The following DOCK1 variants were observed in gnomAD, a reference collection of about 807,000 sequenced individuals.
DOCK1 encodes the protein dedicator of cytokinesis protein 1.
DOCK1 carries 138 observed loss-of-function variants against 262.7 expected under a neutral mutation model. The observed-to-expected ratio is 0.53, with a 90% CI of 0.46 to 0.61. DOCK1 has a LOEUF of 0.61. Ranked by LOEUF, DOCK1 falls within the 20% of genes least tolerant of loss-of-function variation. The probability of loss-of-function intolerance (pLI) is 0.00; values close to 1 mark genes in which losing one functional copy is unlikely to be tolerated. For missense variants in DOCK1, 1,908 were observed against 2,370.7 expected (o/e 0.80, Z 4.05); for synonymous variants, 866 against 867.4 (o/e 1.00, Z 0.03).
intron 27 of DOCK1, among the ~76,000 whole-genome samples, chr10:127,149,431 G>A (rs982763742): frequency 1.3e-5 from 2 of 152,104 alleles, no homozygotes; most frequent in Admixed American, 1.3e-4. Context: ...ATATTTCCAT[G>A]ACAGAATTAT....
chr10:127,047,700 G>T (rs760268672), intron 21 of DOCK1, among the ~76,000 whole-genome samples: 1 of 152,136 alleles, frequency 6.6e-6, no homozygotes, highest in African/African-American at 2.4e-5. Flanking sequence ...CAGCCACTCT[G>T]TGGTTTCTGT....
chr10:127,157,180 A>G (rs1325320831), intron 27 of DOCK1, among the ~76,000 whole-genome samples: 2 of 152,204 alleles, frequency 1.3e-5, no homozygotes, highest in African/African-American at 4.8e-5. Context: ...AACTCTAAGG[A>G]GGTGACATTT....
At chr10:127,110,983 A>T (rs1389215362) in intron 25 of DOCK1, among the ~76,000 whole-genome samples, 1 of 152,198 alleles carries the variant, frequency 6.6e-6, no homozygotes, top group African/African-American at 2.4e-5. Context: ...CATTTATTGG[A>T]GGCAAATGTG....
Position 126,981,976 on chromosome 10 carries a change from G to A in DOCK1, c.227+3G>A. On this transcript the variant is annotated splice_donor_region_variant and intron_variant, in intron 4 of 51. Transcript: ENST00000623213. Reference sequence around the variant, plus strand: ...GAAGCGATAGTTGAAGGAAAAGGGTGAGTCTGGTCTTGATGTTTAAATGAA... The same window carrying A: ...GAAGCGATAGTTGAAGGAAAAGGGTAAGTCTGGTCTTGATGTTTAAATGAA... The A allele has an allele frequency of 6.2e-7, 1 of 1,613,724 alleles. No homozygotes were observed. Among genetic ancestry groups the A allele is most frequent in the Non-Finnish European group, 8.5e-7 (1 of 1,179,812 alleles).
At chr10:127,137,534 A>G (rs1253614394) in intron 27 of DOCK1, 5 of 287,788 alleles carry the variant, frequency 1.7e-5, no homozygotes, top group Non-Finnish European at 6.4e-6. Flanking sequence ...TTGATAATGT[A>G]TTACTTGCAG....
chr10:126,934,547 A>G (rs1047603648), intron 1 of DOCK1, among the ~76,000 whole-genome samples: 22 of 152,222 alleles, frequency 1.4e-4, no homozygotes, highest in African/African-American at 5.3e-4. Flanking sequence ...ATCTTTAAAA[A>G]TCACTGATAC....
At chr10:127,366,014 A>G (rs1280613005) in intron 33 of DOCK1, among the ~76,000 whole-genome samples, 1 of 152,214 alleles carries the variant, frequency 6.6e-6, no homozygotes, top group African/African-American at 2.4e-5. Flanking sequence ...ACAACAAACT[A>G]TTTCACTAGC....
intron 12 of DOCK1, among the ~76,000 whole-genome samples, chr10:127,016,912 TACACCAC>T (rs1292535669): frequency 1.3e-5 from 1 of 79,168 alleles, no homozygotes; most frequent in East Asian, 3.9e-4. Flanking sequence ...CAAACACAGA[TACACCAC>T]ACACCACACA....
intron 43 of DOCK1, among the ~76,000 whole-genome samples, chr10:127,414,524 A>T (rs961986707): frequency 5.3e-5 from 8 of 152,234 alleles, no homozygotes; most frequent in African/African-American, 1.9e-4. Flanking sequence ...ATATGCATAG[A>T]CACACTTTTT....
chr10:127,119,635 G>T (rs551911390), intron 25 of DOCK1, among the ~76,000 whole-genome samples: 1 of 152,298 alleles, frequency 6.6e-6, no homozygotes, highest in East Asian at 1.9e-4. Context: ...CCATGTATAT[G>T]ATTCTTACTG....
chr10:127,109,675 C>T (rs1454729622), intron 24 of DOCK1, among the ~76,000 whole-genome samples: 1 of 152,188 alleles, frequency 6.6e-6, no homozygotes, highest in Middle Eastern at 3.2e-3. Flanking sequence ...ATAAAGTTTT[C>T]AAGGTTTCTC....
At chr10:127,281,695 C>G (rs1396687330) in intron 29 of DOCK1, among the ~76,000 whole-genome samples, 1 of 152,180 alleles carries the variant, frequency 6.6e-6, no homozygotes, top group Non-Finnish European at 1.5e-5. Flanking sequence ...CAGCAGAAGA[C>G]ACGCAGGGTT....
intron 49 of DOCK1, among the ~76,000 whole-genome samples, chr10:127,439,950 A>G (rs1288685786): frequency 6.6e-6 from 1 of 152,090 alleles, no homozygotes; most frequent in African/African-American, 2.4e-5. Flanking sequence ...CCACATTGGG[A>G]ATCTGTGTTC....
intron 50 of DOCK1, among the ~76,000 whole-genome samples, chr10:127,445,071 A>G (rs1440657298): frequency 6.6e-6 from 1 of 152,146 alleles, no homozygotes; most frequent in African/African-American, 2.4e-5. Context: ...CATCCAAATA[A>G]GGTACATTCT....
chr10:127,068,968 T>G (rs1106478), intron 23 of DOCK1, among the ~76,000 whole-genome samples: 24,414 of 152,272 alleles, frequency 0.16, 2,334 homozygotes, highest in South Asian at 0.33. Flanking sequence ...GTTTCTAGTT[T>G]TCAGTTTTCA....
At chr10:127,263,063 T>C (rs541265205) in intron 29 of DOCK1, among the ~76,000 whole-genome samples, 13 of 152,302 alleles carry the variant, frequency 8.5e-5, no homozygotes, top group African/African-American at 2.9e-4. Context: ...GTGTTAGGAG[T>C]TTTTGTTTTG....
chr10:127,216,630 G>C (rs1242878724), intron 27 of DOCK1, among the ~76,000 whole-genome samples: 1 of 152,056 alleles, frequency 6.6e-6, no homozygotes, highest in African/African-American at 2.4e-5. Flanking sequence ...TGATAAAGTC[G>C]TGATTTCTCC....
intron 1 of DOCK1, among the ~76,000 whole-genome samples, chr10:126,930,134 C>T (rs1266717819): frequency 1.3e-5 from 2 of 152,226 alleles, no homozygotes; most frequent in Non-Finnish European, 2.9e-5. Flanking sequence ...ATTGCTGCTT[C>T]ATTCCTTTCT....
intron 31 of DOCK1, among the ~76,000 whole-genome samples, chr10:127,346,752 C>G (rs2063652513): frequency 6.6e-6 from 1 of 152,224 alleles, no homozygotes. Flanking sequence ...CAGGAGCCAC[C>G]CAGGGCCTCT....
Sources: allele counts gnomAD v4.1 joint callset (sites outside exome capture counted in the v4.1 genomes callset), GRCh38; gene constraint gnomAD v4.1.1; transcripts MANE v1.5; gene names NCBI Gene and HGNC (gene_info 2026-07-23, HGNC 2026-07-21).